ACADM: variants seen among roughly 807,000 people sequenced by gnomAD.
ACADM encodes acyl-CoA dehydrogenase medium chain.
ACADM carries 49 observed loss-of-function variants against 58.9 expected under a neutral mutation model. The observed-to-expected ratio is 0.83, with a 90% CI of 0.66 to 1.06. The LOEUF is 1.06. Ranked by LOEUF, ACADM falls within the 50% of genes least tolerant of loss-of-function variation. ACADM has a pLI of 0.00. For missense variants in ACADM, 496 were observed against 507.0 expected (o/e 0.98, Z 0.21); for synonymous variants, 160 against 157.7 (o/e 1.01, Z -0.11).
rs117909403 is a variant in ACADM, at chr1:75,758,395, G to C, written c.946-2727G>C. ...CAGGAAGGATATTTTAAAGGATACAGATGAAGAGATGTGCAGGGTAAGGTA... is the reference window on the plus strand; with the variant it reads ...CAGGAAGGATATTTTAAAGGATACACATGAAGAGATGTGCAGGGTAAGGTA... On this transcript the variant is annotated intron_variant, in intron 10 of 11. Transcript: ENST00000370841. Among the ~76,000 whole-genome samples, 19 of 152,298 alleles carry C rather than the reference G, an allele frequency of 1.2e-4. No individual in the cohort carries two copies. In the East Asian group the frequency reaches 3.7e-3, roughly 29 times the overall value.
At chr1:75,734,127 A>G (rs1178656499) in intron 5 of ACADM, among the ~76,000 whole-genome samples, 5 of 150,928 alleles carry the variant, frequency 3.3e-5, no homozygotes. Flanking sequence ...CTGGGATTAC[A>G]AGTGCGCACC....
chr1:75,743,292 C>G, intron 7 of ACADM: 1 of 1,035,108 alleles, frequency 9.7e-7, no homozygotes, highest in South Asian at 1.6e-5. Context: ...ACATAGTGCT[C>G]TGCTTCCTTG....
In ACADM at chr1:75,755,690, A is replaced by C. The variant is rs189695759; in HGVS notation, c.945+5144A>C. 5.3e-5 allele frequency among the ~76,000 whole-genome samples: 8 copies of C among 152,336 alleles called. No homozygotes were observed. The East Asian group carries it at 1.5e-3, about 29-fold the overall frequency. On this transcript the variant is annotated intron_variant, in intron 10 of 11. Coordinates refer to ENST00000370841, the MANE Select transcript of ACADM (RefSeq NM_000016.6). ...GAGCAGAAAAGCTGAAAATTCTACA[A>C]ATCAAGAGTGCCTCTTCTCCTCCAA...
chr1:75,745,538 C>A, intron 7 of ACADM: 2 of 421,790 alleles, frequency 4.7e-6, no homozygotes, highest in Non-Finnish European at 8.6e-6. Flanking sequence ...ATCATATATA[C>A]TGTACTGCGG....
At chr1:75,742,036 GC>G (rs1647597902) in intron 7 of ACADM, among the ~76,000 whole-genome samples, 1 of 152,098 alleles carries the variant, frequency 6.6e-6, no homozygotes, top group South Asian at 2.1e-4. Flanking sequence ...GAGAACATCT[GC>G]CCTTTAATTT....
Position 75,761,237 on chromosome 1 carries a change from C to T in ACADM, c.1061C>T (p.Ala354Val). ...TCTGGTCGTCGAAATACCTATTATG[C>T]TTCTATTGCAAAGGCATTTGCTGGA... ...VDSGRRNTYY[A>V]SIAKAFAGDI... The change falls in exon 11 of 12, where the codon GCT becomes GTT. Residue 354 changes from alanine (A) to valine (V), a missense_variant. By Grantham distance (64) the Ala-to-Val change is moderately conservative. Coordinates refer to ENST00000370841, the MANE Select transcript of ACADM (RefSeq NM_000016.6). 1 of 1,614,162 alleles carries T rather than the reference C, an allele frequency of 6.2e-7. No individual in the cohort carries two copies. Among genetic ancestry groups the T allele is most frequent in the Non-Finnish European group, 8.5e-7 (1 of 1,180,022 alleles).
At chr1:75,726,195 G>A (rs1420102212) in intron 1 of ACADM, among the ~76,000 whole-genome samples, 2 of 152,072 alleles carry the variant, frequency 1.3e-5, no homozygotes, top group Non-Finnish European at 2.9e-5. Flanking sequence ...ATCACTTAAG[G>A]CCAGGAGTTC....
At chr1:75,739,300 T>A (rs1241470989) in intron 6 of ACADM, among the ~76,000 whole-genome samples, 1 of 152,194 alleles carries the variant, frequency 6.6e-6, no homozygotes, top group Admixed American at 6.5e-5. Flanking sequence ...TGTTACATTG[T>A]GAAAATCTCT....
chr1:75,749,452 A>G lies in ACADM; in HGVS notation c.742A>G (p.Arg248Gly), dbSNP rs875989867. The change falls in exon 9 of 12, where the codon AGA (arginine) becomes GGA (glycine). Residue 248 changes from arginine (R) to glycine (G), a missense_variant. Transcript: ENST00000370841. ...CATGGGCCAGCGATGTTCAGATACT[A>G]GAGGAATTGTCTTCGAAGATGTGAA... ...LNMGQRCSDTRGIVFEDVKVP... is the reference protein window; with the variant it reads ...LNMGQRCSDTGGIVFEDVKVP... 1 of 1,614,044 alleles carries G rather than the reference A, an allele frequency of 6.2e-7. No homozygotes were observed. Among genetic ancestry groups the G allele is most frequent in the East Asian group, 2.2e-5 (1 of 44,868 alleles).
chr1:75,735,319 CA>C (rs33952162), intron 6 of ACADM, among the ~76,000 whole-genome samples: 5,181 of 101,738 alleles, frequency 0.051, 101 homozygotes, highest in African/African-American at 0.1. Context: ...GACCCTGTCT[CA>C]AAAAAAAAAA....
Position 75,750,510 on chromosome 1 carries a change from C to A in ACADM, c.909C>A (p.Ala303=). The change falls in exon 10 of 12, where the codon GCC becomes GCA. Residue 303 remains alanine, a synonymous_variant. Coordinates refer to ENST00000370841, the MANE Select transcript of ACADM (RefSeq NM_000016.6). Reference sequence around the variant, plus strand: ...CTTTGGATGAAGCTACCAAGTATGCCCTGGAAAGGAAAACTTTCGGAAAGC... The same window carrying A: ...CTTTGGATGAAGCTACCAAGTATGCACTGGAAAGGAAAACTTTCGGAAAGC... ...QRALDEATKY[A]LERKTFGKLL... 2 of 1,612,380 alleles carry A rather than the reference C, an allele frequency of 1.2e-6. No individual in the cohort carries two copies. Among genetic ancestry groups the A allele is most frequent in the Non-Finnish European group, 1.7e-6 (2 of 1,179,866 alleles).
At chr1:75,736,475 T>TA (rs928488100) in intron 6 of ACADM, among the ~76,000 whole-genome samples, 28 of 152,204 alleles carry the variant, frequency 1.8e-4, no homozygotes, top group South Asian at 4.1e-4. Flanking sequence ...ATTGAGAGGT[T>TA]AGCTAAACAT....
rs1553127216 is a variant in ACADM at position 75,761,366 on chromosome 1, A to G, written c.1190A>G (p.Tyr397Cys). 6.2e-7 allele frequency: 1 copy of G among 1,613,886 alleles called. No homozygotes were observed. Among genetic ancestry groups the G allele is most frequent in the South Asian group, 1.1e-5 (1 of 91,082 alleles). ...AAACTAATGAGGGATGCCAAAATCT[A>G]TCAGGTAAGGTTAAAGATGATTTTT... ...VEKLMRDAKI[Y>C]QIYEGTSQIQ... Residue 397 changes from tyrosine (Y) to cysteine (C), a missense_variant, in exon 11 of 12, where the codon TAT becomes TGT. Transcript: ENST00000370841.
intron 10 of ACADM, among the ~76,000 whole-genome samples, chr1:75,751,493 C>CTT (rs370953741): frequency 3.5e-4 from 50 of 144,258 alleles, no homozygotes; most frequent in Admixed American, 6.3e-4. Flanking sequence ...AGGATCCTTG[C>CTT]TTTTTTTTTT....
intron 6 of ACADM, among the ~76,000 whole-genome samples, chr1:75,737,284 A>ATATATATATATATATG (rs1553123530): frequency 4.7e-5 from 2 of 42,622 alleles, no homozygotes; most frequent in African/African-American, 2.4e-4. Flanking sequence ...ACACAAATAT[A>ATATATATATATATATG]TATATATATA....
chr1:75,726,679 G>A (rs1239956995), intron 1 of ACADM, among the ~76,000 whole-genome samples: 1 of 151,914 alleles, frequency 6.6e-6, no homozygotes, highest in African/African-American at 2.4e-5. Flanking sequence ...TGGAATAAAA[G>A]TAATGGCTTA....
intron 8 of ACADM, among the ~76,000 whole-genome samples, chr1:75,746,891 G>A (rs116066703): frequency 0.02 from 3,027 of 152,108 alleles, 118 homozygotes; most frequent in African/African-American, 0.068. Flanking sequence ...GAGCCACTGC[G>A]CCCAACCAAA....
Position 75,763,323 on chromosome 1 carries a change from A to G in ACADM, c.*560A>G, listed in dbSNP as rs1467177880. 1 of 152,198 alleles carries G rather than the reference A, an allele frequency of 6.6e-6. No individual in the cohort carries two copies. The highest frequency in any genetic ancestry group is 1.5e-5 in the Non-Finnish European group (1 of 68,054). The allele number at this position is 152,198 out of a possible 1,614,324, so 9.4% of individuals were successfully genotyped here. A position where few individuals can be genotyped will look rare whatever the true frequency, so the allele number is the denominator to read the frequency against. ...AGAACTTTCTTGAAAATCTTATTTA[A>G]TTCTGAGCCCATATTTCACTTACCT... On this transcript the variant is annotated 3_prime_UTR_variant, in exon 12 of 12. Coordinates refer to ENST00000370841, the MANE Select transcript of ACADM (RefSeq NM_000016.6).
chr1:75,731,452 C>G (rs567689884), intron 2 of ACADM, among the ~76,000 whole-genome samples: 1 of 152,180 alleles, frequency 6.6e-6, no homozygotes, highest in East Asian at 1.9e-4. Flanking sequence ...ACCCTATTAT[C>G]TCTTAAATTT....
Sources: allele counts gnomAD v4.1 joint callset (sites outside exome capture counted in the v4.1 genomes callset), GRCh38; gene constraint gnomAD v4.1.1; transcripts MANE v1.5; gene names NCBI Gene and HGNC (gene_info 2026-07-23, HGNC 2026-07-21).